MSI1: variants seen among roughly 807,000 people sequenced by gnomAD.
MSI1 encodes the protein RNA-binding protein Musashi homolog 1.
Under a neutral mutation model 54.4 loss-of-function variants are expected in MSI1, and 15 were observed. The ratio of observed to expected loss-of-function variants is 0.28; its 90% CI spans 0.18 to 0.42. The LOEUF (loss-of-function observed/expected upper bound fraction) is 0.42. Among genes scored for constraint, MSI1 ranks in the 20% least tolerant of loss-of-function variants. The pLI is 1.00. For missense variants in MSI1, 304 were observed against 506.0 expected, an observed-to-expected ratio of 0.60 and a Z score of 3.83; for synonymous variants, 200 against 196.5, an observed-to-expected ratio of 1.02 and a Z score of -0.15.
chr12:120,359,084 C>A, intron 6 of MSI1, 31 bp from the exon 7 acceptor site: 1 of 1,552,250 alleles, frequency 6.4e-7, no homozygotes, highest in Non-Finnish European at 8.7e-7. Context: ...GAGGACCCAG[C>A]AGATACCAGC....
intron 9 of MSI1, among the ~76,000 whole-genome samples, chr12:120,353,969 T>C (rs1874857303): frequency 6.6e-6 from 1 of 152,174 alleles, no homozygotes; most frequent in Non-Finnish European, 1.5e-5. Flanking sequence ...TCTGAACTTA[T>C]ATAATGATTT....
At chr12:120,345,893 G>C (rs149510256) in intron 13 of MSI1, among the ~76,000 whole-genome samples, 5 of 152,264 alleles carry the variant, frequency 3.3e-5, no homozygotes, top group Non-Finnish European at 7.4e-5. Flanking sequence ...CTCCATGTGA[G>C]CAGAGATGCC....
intron 11 of MSI1, 35 bp downstream of exon 11, chr12:120,351,309 T>G: frequency 1.9e-6 from 3 of 1,595,398 alleles, no homozygotes; most frequent in Non-Finnish European, 2.6e-6. Context: ...TCTCCCCATG[T>G]GGCCTGAGAG....
In MSI1 at chr12:120,368,295, C is replaced by G; in HGVS notation, c.101-22G>C. ...CCTTCTGTAACCACACACCCGCCTT[C>G]GGACCAGCCCGGGCCCCGCGCCCTT... is the stretch of plus-strand genomic sequence containing the variant. On this transcript the variant is annotated intron_variant, in intron 2 of 14. Transcript: ENST00000257552. This position sits in a 1 kb window ranked among gnomAD's most constrained non-coding sequence, Gnocchi z 6.6. The G allele has an allele frequency of 3.2e-6, 5 of 1,548,526 alleles. No individual in the cohort carries two copies. Among genetic ancestry groups the G allele is most frequent in the Admixed American group, 2.0e-5 (1 of 50,944 alleles).
intron 6 of MSI1, among the ~76,000 whole-genome samples, chr12:120,359,994 T>C (rs993239564): frequency 2.0e-5 from 3 of 151,108 alleles, no homozygotes; most frequent in African/African-American, 7.3e-5. Context: ...CACCACCTTC[T>C]TTTTTTTTGG....
intron 11 of MSI1, among the ~76,000 whole-genome samples, chr12:120,347,770 G>A (rs554942728): frequency 1.3e-5 from 2 of 152,170 alleles, no homozygotes; most frequent in East Asian, 3.8e-4. Flanking sequence ...CTGGTCTGGG[G>A]GGACATGCTT....
intron 10 of MSI1, among the ~76,000 whole-genome samples, chr12:120,352,245 C>A (rs1444145111): frequency 6.6e-6 from 1 of 151,854 alleles, no homozygotes; most frequent in Non-Finnish European, 1.5e-5. Context: ...GGGCTCAAGC[C>A]ATCCTCCCAT....
chr12:120,358,580 C>T (rs961801955), intron 7 of MSI1, among the ~76,000 whole-genome samples: 1 of 152,170 alleles, frequency 6.6e-6, no homozygotes, highest in Non-Finnish European at 1.5e-5. Flanking sequence ...CACACGCACA[C>T]GGTGTGGCCC....
downstream of MSI1, among the ~76,000 whole-genome samples, chr12:120,340,408 T>G (rs1395299541): frequency 6.6e-6 from 1 of 152,214 alleles, no homozygotes; most frequent in African/African-American, 2.4e-5. Context: ...TCTTTTAAGC[T>G]TCTCCACATA....
intron 6 of MSI1, among the ~76,000 whole-genome samples, chr12:120,362,704 A>G (rs563635801): frequency 8.5e-5 from 13 of 152,242 alleles, no homozygotes; most frequent in African/African-American, 2.9e-4. Context: ...GACAGGTGCA[A>G]ACTCCCAGGA....
chr12:120,363,076 C>G lies in MSI1; in HGVS notation c.369G>C (p.Glu123Asp). The G allele has an allele frequency of 6.2e-7, 1 of 1,614,136 alleles. No individual in the cohort carries two copies. Among genetic ancestry groups the G allele is most frequent in the South Asian group, 1.1e-5 (1 of 91,080 alleles). Reference protein sequence around the residue: ...VGGLSVNTTVEDVKQYFEQFG... With the variant: ...VGGLSVNTTVDDVKQYFEQFG... ...ACTGCTCAAAATATTGCTTCACGTC[C>G]TCCACCGTGGTGTTCACCGACAGCC... is the stretch of plus-strand genomic sequence containing the variant. The change falls in exon 6 of 15, where the codon GAG becomes GAC. Residue 123 changes from glutamate to aspartate, a missense_variant. By Grantham distance (45) the Glu-to-Asp change is conservative. Coordinates refer to ENST00000257552, the MANE Select transcript of MSI1 (RefSeq NM_002442.4).
In MSI1 at chr12:120,346,325, G is replaced by A; in HGVS notation, c.860-3C>T. 6.5e-7 allele frequency: 1 copy of A among 1,528,486 alleles called. No homozygotes were observed. Among genetic ancestry groups the A allele is most frequent in the Non-Finnish European group, 8.8e-7 (1 of 1,136,412 alleles). The allele number at this position is 1,528,486 out of a possible 1,614,324, so 94.7% of individuals were successfully genotyped here. On this transcript the variant is annotated splice_polypyrimidine_tract_variant and splice_region_variant and intron_variant, in intron 12 of 14. Coordinates refer to ENST00000257552, the MANE Select transcript of MSI1 (RefSeq NM_002442.4). ...AGCCATCGTCCAGGGGTGAGAGCCT[G>A]GCAACCCAGAAAGAAGACGGTGATA...
At chr12:120,358,886 G>T in intron 7 of MSI1, 119 bp downstream of exon 7, 1 of 1,186,846 alleles carries the variant, frequency 8.4e-7, no homozygotes, top group Admixed American at 2.1e-5. Flanking sequence ...AGGCCTGGGA[G>T]AGGACGCAGA....
At chr12:120,356,641 G>A (rs779436054) in intron 9 of MSI1, among the ~76,000 whole-genome samples, 5 of 152,226 alleles carry the variant, frequency 3.3e-5, no homozygotes, top group Non-Finnish European at 5.9e-5. Context: ...ATGGATGGAC[G>A]AGAGAATGGA....
At chr12:120,345,308 C>T (rs548190653) in intron 14 of MSI1, among the ~76,000 whole-genome samples, 14 of 152,078 alleles carry the variant, frequency 9.2e-5, no homozygotes, top group Non-Finnish European at 2.1e-4. Flanking sequence ...AGAACGATAT[C>T]TTGTCTCAAA....
intron 10 of MSI1, among the ~76,000 whole-genome samples, chr12:120,352,963 C>T (rs1413413330): frequency 1.3e-5 from 2 of 152,146 alleles, no homozygotes; most frequent in Non-Finnish European, 2.9e-5. Flanking sequence ...CAATGGCCCT[C>T]GGAGAGGCCC....
At chr12:120,358,719 A>G (rs1875358094) in intron 7 of MSI1, among the ~76,000 whole-genome samples, 1 of 146,060 alleles carries the variant, frequency 6.8e-6, no homozygotes, top group Non-Finnish European at 1.5e-5. Flanking sequence ...GGGACAAGGT[A>G]AGCCCGGGCA....
intron 14 of MSI1, among the ~76,000 whole-genome samples, chr12:120,344,442 C>T (rs904492974): frequency 6.6e-6 from 1 of 152,184 alleles, no homozygotes; most frequent in African/African-American, 2.4e-5. Context: ...GTGGCTCATG[C>T]CTGAAATCCC....
chr12:120,350,451 C>A (rs950319199), intron 11 of MSI1, among the ~76,000 whole-genome samples: 11 of 152,180 alleles, frequency 7.2e-5, no homozygotes, highest in African/African-American at 1.9e-4. Context: ...TTCTCCTCCC[C>A]ACCCCTTCCT....
Sources: gnomAD v4.1 joint callset for allele counts (sites outside exome capture counted in the v4.1 genomes callset) on GRCh38, gnomAD v4.1.1 for gene constraint, Gnocchi (gnomAD v3.1) non-coding constraint, MANE v1.5 for transcripts, NCBI Gene and HGNC (gene_info 2026-07-23, HGNC 2026-07-21) for gene names.